Variants in DAB1 observed in about 807,000 individuals in gnomAD.
DAB1 encodes DAB adaptor protein 1, also known as disabled homolog 1.
In DAB1, 15 loss-of-function variants were observed where a neutral mutation model predicts 64.6. That is an observed-to-expected ratio of 0.23 (90% CI 0.16 to 0.36). DAB1 has a LOEUF of 0.36. Among genes scored for constraint, DAB1 ranks in the 10% least tolerant of loss-of-function variants. DAB1 has a pLI of 1.00. For missense variants in DAB1, 596 were observed against 706.7 expected (o/e 0.84, Z 1.78); for synonymous variants, 235 against 251.9 (o/e 0.93, Z 0.64).
chr1:58,502,726 C>A (rs768011283), intron 3 of DAB1, among the ~76,000 whole-genome samples: 9 of 152,180 alleles, frequency 5.9e-5, no homozygotes, highest in Non-Finnish European at 1.2e-4. Flanking sequence ...GAATTCCAAT[C>A]TTTGAGTTAT....
intron 4 of DAB1, among the ~76,000 whole-genome samples, chr1:58,268,978 T>A (rs1041154334): frequency 4.0e-5 from 6 of 150,174 alleles, no homozygotes; most frequent in Non-Finnish European, 7.4e-5. Flanking sequence ...TTCAAATGAT[T>A]TTTTTTTCCT....
intron 2 of DAB1, among the ~76,000 whole-genome samples, chr1:57,247,084 A>T (rs1260952192): frequency 6.6e-6 from 1 of 152,184 alleles, no homozygotes; most frequent in Non-Finnish European, 1.5e-5. Flanking sequence ...AAAGTTTGGG[A>T]GACTGCTGGG....
chr1:57,015,354 C>A lies in DAB1; in HGVS notation c.973G>T (p.Ala325Ser). ...ATCACCTGAGCGACTGGTGGCTGGGCACCCATGACCATCTGCTGTTGGACG... is the reference window on the plus strand; with the variant it reads ...ATCACCTGAGCGACTGGTGGCTGGGAACCCATGACCATCTGCTGTTGGACG... Reference protein sequence around the residue: ...PLVQQQMVMGAQPPVAQVMPG... With the variant: ...PLVQQQMVMGSQPPVAQVMPG... The change falls in exon 12 of 15, where the codon GCC (alanine) becomes TCC (serine). Residue 325 changes from alanine (A) to serine (S), a missense_variant. Around this residue, in one of 3 missense-constraint regions of DAB1, gnomAD observed 377 missense variants for 400.4 expected, o/e 0.94. Transcript: ENST00000371236. 1 of 1,614,040 alleles carries A rather than the reference C, an allele frequency of 6.2e-7. No homozygotes were observed.
intron 2 of DAB1, among the ~76,000 whole-genome samples, chr1:57,198,791 A>G (rs1481051904): frequency 6.6e-6 from 1 of 152,092 alleles, no homozygotes; most frequent in Non-Finnish European, 1.5e-5. Context: ...GTTTCAAAGG[A>G]GAGAAAAAGG....
intron 3 of DAB1, among the ~76,000 whole-genome samples, chr1:58,394,178 C>T (rs1465899550): frequency 6.6e-6 from 1 of 152,148 alleles, no homozygotes; most frequent in African/African-American, 2.4e-5. Context: ...GATATGATTG[C>T]ACCATAGCAT....
At chr1:57,347,750 G>T (rs1479483696) in intron 1 of DAB1, among the ~76,000 whole-genome samples, 1 of 152,054 alleles carries the variant, frequency 6.6e-6, no homozygotes, top group Non-Finnish European at 1.5e-5. Context: ...TAATCCAAAG[G>T]CCTATTCTAA....
intron 5 of DAB1, among the ~76,000 whole-genome samples, chr1:57,976,097 G>A (rs560080370): frequency 1.4e-4 from 21 of 152,306 alleles, no homozygotes; most frequent in African/African-American, 3.6e-4. Flanking sequence ...ATGGAGAGCC[G>A]TATAACCTTG....
intron 6 of DAB1, among the ~76,000 whole-genome samples, chr1:57,808,624 A>G (rs1013435710): frequency 3.3e-5 from 5 of 152,206 alleles, no homozygotes; most frequent in Non-Finnish European, 5.9e-5. Flanking sequence ...ACTAAGTACC[A>G]AATGTTCACA....
intron 3 of DAB1, among the ~76,000 whole-genome samples, chr1:58,349,033 C>T (rs1379862082): frequency 6.6e-6 from 1 of 152,110 alleles, no homozygotes; most frequent in Non-Finnish European, 1.5e-5. Flanking sequence ...CCTCCGCCTG[C>T]TGTCCCATCC....
At chr1:57,545,815 G>A (rs529652657) in intron 7 of DAB1, among the ~76,000 whole-genome samples, 1 of 152,186 alleles carries the variant, frequency 6.6e-6, no homozygotes, top group South Asian at 2.1e-4. Context: ...ACTCCTGGAA[G>A]ACAGGTGCTC....
At chr1:57,160,847 C>G (rs900075385) in intron 2 of DAB1, among the ~76,000 whole-genome samples, 2 of 152,136 alleles carry the variant, frequency 1.3e-5, no homozygotes, top group Admixed American at 1.3e-4. Context: ...CTCCTAGTAG[C>G]AGCATCCAAT....
intron 4 of DAB1, among the ~76,000 whole-genome samples, chr1:58,250,907 G>C (rs1660777485): frequency 6.6e-6 from 1 of 152,154 alleles, no homozygotes; most frequent in South Asian, 2.1e-4. Context: ...ACAGGTGCAA[G>C]ATTTTGCAGC....
chr1:58,520,653 A>AG (rs1457461524), intron 2 of DAB1, among the ~76,000 whole-genome samples: 2 of 152,192 alleles, frequency 1.3e-5, no homozygotes, highest in African/African-American at 4.8e-5. Context: ...ACTAACTGAA[A>AG]GAAAGCTGAA....
intron 7 of DAB1, among the ~76,000 whole-genome samples, chr1:57,493,764 T>TCACA (rs397963642): frequency 7.2e-4 from 106 of 148,232 alleles, no homozygotes; most frequent in African/African-American, 1.4e-3. Flanking sequence ...TATTCACAGC[T>TCACA]CACACACACA....
chr1:57,318,410 C>T (rs1301749945), intron 1 of DAB1, among the ~76,000 whole-genome samples: 3 of 152,092 alleles, frequency 2.0e-5, no homozygotes, highest in Non-Finnish European at 4.4e-5. Flanking sequence ...TAGATGCTGT[C>T]CCACAGCTTA....
intron 7 of DAB1, among the ~76,000 whole-genome samples, chr1:57,450,370 T>G (rs1686304351): frequency 6.6e-6 from 1 of 152,172 alleles, no homozygotes; most frequent in Non-Finnish European, 1.5e-5. Context: ...TCCAAATAAT[T>G]TAGCTTATGA....
At chr1:58,403,056 A>G (rs1265234807) in intron 3 of DAB1, among the ~76,000 whole-genome samples, 1 of 152,216 alleles carries the variant, frequency 6.6e-6, no homozygotes, top group Non-Finnish European at 1.5e-5. Context: ...TAACAAAAAC[A>G]GGGAATTTCG....
chr1:57,923,018 C>A (rs949017689), intron 5 of DAB1, among the ~76,000 whole-genome samples: 3 of 148,126 alleles, frequency 2.0e-5, no homozygotes, highest in African/African-American at 7.5e-5. Flanking sequence ...CTTCCTTCTG[C>A]TTGTCTGGAC....
At chr1:57,381,183 G>A (rs1475683093) in intron 1 of DAB1, among the ~76,000 whole-genome samples, 2 of 152,116 alleles carry the variant, frequency 1.3e-5, no homozygotes, top group African/African-American at 4.8e-5. Context: ...AGCATTCAAA[G>A]CATCTTCACA....
Sources: gnomAD v4.1 joint callset for allele counts (sites outside exome capture counted in the v4.1 genomes callset) on GRCh38, gnomAD v4.1.1 for gene constraint, gnomAD v4.1.1 regional missense constraint, MANE v1.5 for transcripts, NCBI Gene and HGNC (gene_info 2026-07-23, HGNC 2026-07-21) for gene names.